HECTD2: variants seen among roughly 807,000 people sequenced by gnomAD.
The protein encoded by HECTD2 is probable E3 ubiquitin-protein ligase HECTD2.
HECTD2 carries 35 observed loss-of-function variants against 103.2 expected under a neutral mutation model. The ratio of observed to expected loss-of-function variants is 0.34; its 90% CI spans 0.26 to 0.45. The LOEUF is 0.45. Ranked by LOEUF, HECTD2 falls within the 20% of genes least tolerant of loss-of-function variation. The pLI, the probability that HECTD2 is intolerant of heterozygous loss-of-function variation, is 1.00. For missense variants in HECTD2, 596 were observed against 937.4 expected, an observed-to-expected ratio of 0.64 and a Z score of 4.76; for synonymous variants, 281 against 329.9, an observed-to-expected ratio of 0.85 and a Z score of 1.61.
intron 6 of HECTD2, among the ~76,000 whole-genome samples, chr10:91,479,677 A>G: frequency 6.6e-6 from 1 of 152,316 alleles, no homozygotes; most frequent in East Asian, 1.9e-4. Context: ...CATTTATGTA[A>G]AAATTTTTTT....
At chr10:91,444,371 T>C (rs1378149967) in intron 2 of HECTD2, among the ~76,000 whole-genome samples, 3 of 152,106 alleles carry the variant, frequency 2.0e-5, no homozygotes, top group East Asian at 1.9e-4. Flanking sequence ...ATAAGAGAAA[T>C]AGTAATGCCA....
At chr10:91,469,586 C>T (rs572553904) in intron 5 of HECTD2, among the ~76,000 whole-genome samples, 4 of 152,290 alleles carry the variant, frequency 2.6e-5, no homozygotes, top group Non-Finnish European at 5.9e-5. Flanking sequence ...ACCTGCCTTA[C>T]AAGAAATCCT....
intron 1 of HECTD2, among the ~76,000 whole-genome samples, chr10:91,419,736 C>T (rs1252204056): frequency 6.6e-6 from 1 of 151,880 alleles, no homozygotes; most frequent in Non-Finnish European, 1.5e-5. Flanking sequence ...GTGTTTTTCC[C>T]TGTGTTCTCT....
intron 11 of HECTD2, among the ~76,000 whole-genome samples, chr10:91,490,564 T>C (rs963539576): frequency 6.6e-6 from 1 of 152,158 alleles, no homozygotes; most frequent in East Asian, 1.9e-4. Context: ...CATTTTATAT[T>C]TGTATTTATT....
intron 2 of HECTD2, among the ~76,000 whole-genome samples, chr10:91,435,903 G>T (rs1278357673): frequency 6.6e-6 from 1 of 151,626 alleles, no homozygotes; most frequent in African/African-American, 2.4e-5. Context: ...TTTTTTACTT[G>T]TATTTCTCTT....
At chr10:91,491,161 T>TC in intron 11 of HECTD2, 39 bp from the exon 12 acceptor site, 1 of 990,104 alleles carries the variant, frequency 1.0e-6, no homozygotes, top group Non-Finnish European at 1.6e-6. Flanking sequence ...AATTATAGTC[T>TC]AAGTAAAAGC....
chr10:91,435,093 A>G (rs141996197), intron 2 of HECTD2, among the ~76,000 whole-genome samples: 164 of 152,058 alleles, frequency 1.1e-3, no homozygotes, highest in African/African-American at 3.7e-3. Context: ...TCAACATTTT[A>G]TACATTTTAA....
intron 2 of HECTD2, among the ~76,000 whole-genome samples, chr10:91,429,756 G>T (rs12250037): frequency 6.6e-6 from 1 of 151,862 alleles, no homozygotes; most frequent in Admixed American, 6.6e-5. Flanking sequence ...GCATCTATTT[G>T]ATTCTTCTCT....
At chr10:91,416,768 C>G (rs1352329422) in intron 1 of HECTD2, among the ~76,000 whole-genome samples, 1 of 152,168 alleles carries the variant, frequency 6.6e-6, no homozygotes, top group Non-Finnish European at 1.5e-5. Context: ...TAACAGCCTT[C>G]TATATCAAGC....
intron 3 of HECTD2, 96 bp downstream of exon 3, chr10:91,460,661 A>G: frequency 8.2e-7 from 1 of 1,226,684 alleles, no homozygotes. Flanking sequence ...CTTTTGGATC[A>G]CTATAAGATA....
intron 14 of HECTD2, 119 bp downstream of exon 14, chr10:91,493,627 A>G: frequency 3.7e-6 from 2 of 545,302 alleles, no homozygotes; most frequent in Non-Finnish European, 6.4e-6. Context: ...GTTATTGTCA[A>G]ATGTACTATT....
chr10:91,411,865 AG>A (rs1393950480), intron 1 of HECTD2, among the ~76,000 whole-genome samples: 4 of 152,200 alleles, frequency 2.6e-5, no homozygotes, highest in Non-Finnish European at 4.4e-5. Flanking sequence ...GATTTTATAT[AG>A]GAAGTCTTTA....
Position 91,493,405 on chromosome 10 carries a change from C to T in HECTD2, c.1433-15C>T, listed in dbSNP as rs564800967. Reference sequence around the variant, plus strand: ...CAATCATGTTAATAATAACATTATTCGTGTGTTTTTTTAGGCATGTTTACA... The same window carrying T: ...CAATCATGTTAATAATAACATTATTTGTGTGTTTTTTTAGGCATGTTTACA... On this transcript the variant is annotated splice_polypyrimidine_tract_variant and intron_variant, in intron 13 of 20. Coordinates refer to ENST00000298068, the MANE Select transcript of HECTD2 (RefSeq NM_182765.6). 237 of 1,398,146 alleles carry T rather than the reference C, an allele frequency of 1.7e-4. No homozygotes were observed. The highest frequency in any genetic ancestry group is 1.6e-4 in the Non-Finnish European group (164 of 1,034,954). The allele number at this position is 1,398,146 out of a possible 1,614,324, so 86.6% of individuals were successfully genotyped here.
intron 11 of HECTD2, among the ~76,000 whole-genome samples, chr10:91,490,465 C>T (rs1048565087): frequency 2.6e-5 from 4 of 152,024 alleles, no homozygotes; most frequent in Non-Finnish European, 1.5e-5. Context: ...GTAAAGTAGA[C>T]TAATTGTACC....
intron 15 of HECTD2, among the ~76,000 whole-genome samples, chr10:91,497,168 G>A (rs886606778): frequency 2.8e-4 from 37 of 132,110 alleles, no homozygotes; most frequent in African/African-American, 1.1e-3. Flanking sequence ...CAGAGACGGG[G>A]TTTTGCCATG....
intron 1 of HECTD2, 131 bp downstream of exon 1, chr10:91,410,707 G>A (rs1316130658): frequency 1.5e-5 from 12 of 823,494 alleles, no homozygotes; most frequent in Admixed American, 1.3e-4. Context: ...GACGCACTCA[G>A]GCCGCCCTTC....
intron 2 of HECTD2, among the ~76,000 whole-genome samples, chr10:91,439,267 A>G (rs1349095594): frequency 6.6e-6 from 1 of 152,184 alleles, no homozygotes; most frequent in Admixed American, 6.6e-5. Flanking sequence ...GGTGTAAGGA[A>G]GGATTCCAGT....
chr10:91,426,896 A>T (rs765834388), intron 2 of HECTD2, among the ~76,000 whole-genome samples: 20 of 151,124 alleles, frequency 1.3e-4, no homozygotes, highest in Non-Finnish European at 2.5e-4. Context: ...CATGTGCACA[A>T]TGTGCAGGTT....
At chr10:91,418,757 G>A (rs939595564) in intron 1 of HECTD2, among the ~76,000 whole-genome samples, 10 of 152,072 alleles carry the variant, frequency 6.6e-5, no homozygotes, top group African/African-American at 1.4e-4. Flanking sequence ...AAATTATATC[G>A]TTGGCTCCAG....
Sources: gnomAD v4.1 joint callset for allele counts (sites outside exome capture counted in the v4.1 genomes callset) on GRCh38, gnomAD v4.1.1 for gene constraint, MANE v1.5 for transcripts, NCBI Gene and HGNC (gene_info 2026-07-23, HGNC 2026-07-21) for gene names.